MYCBPAP: variants seen among roughly 807,000 people sequenced by gnomAD.
MYCBPAP encodes MYCBP-associated protein.
A neutral mutation model predicts 106.1 loss-of-function variants in MYCBPAP; 60 were observed. The observed-to-expected ratio is 0.57, with a 90% CI of 0.46 to 0.70. MYCBPAP has a LOEUF of 0.70. MYCBPAP is among the 30% of genes least tolerant of loss of function. The pLI is 0.00. For synonymous variants in MYCBPAP, 407 were observed against 440.6 expected (o/e 0.92, Z 0.95); for missense variants, 1,064 against 1,169.3 (o/e 0.91, Z 1.31).
chr17:50,527,453 G>T, intron 15 of MYCBPAP, 45 bp downstream of exon 15: 1 of 1,609,306 alleles, frequency 6.2e-7, no homozygotes, highest in African/African-American at 1.3e-5. Flanking sequence ...TTCCCTTTGT[G>T]GCATCTGCAG....
chr17:50,513,320 GA>G (rs2033927237), intron 1 of MYCBPAP, among the ~76,000 whole-genome samples: 1 of 151,882 alleles, frequency 6.6e-6, no homozygotes, highest in South Asian at 2.1e-4. Context: ...CCGGGAGGCG[GA>G]GGTTGCAGTG....
At position 50,517,572 on chromosome 17, in the gene MYCBPAP, CCTTT is replaced by C. The variant is rs1282606655; in HGVS notation, c.365-19_365-16del. On this transcript the variant is annotated intron_variant, in intron 3 of 18. Coordinates refer to ENST00000323776, the MANE Select transcript of MYCBPAP (RefSeq NM_032133.6). ...AGTTGTCCACCCACAGCTTCTTTCC[CCTTT>C]CTTCTTTTATCCTCCCAGGTCCCGG... The C allele has an allele frequency of 6.2e-7, 1 of 1,613,732 alleles. No individual in the cohort carries two copies. The highest frequency in any genetic ancestry group is 8.5e-7 in the Non-Finnish European group (1 of 1,179,754).
intron 14 of MYCBPAP, 43 bp downstream of exon 14, chr17:50,526,310 G>C: frequency 6.5e-7 from 1 of 1,528,092 alleles, no homozygotes; most frequent in Non-Finnish European, 8.7e-7. Flanking sequence ...GAATATTCCT[G>C]CCTCGAACCA....
chr17:50,508,934 C>T (rs1043396469), intron 1 of MYCBPAP, 184 bp downstream of exon 1: 3 of 716,330 alleles, frequency 4.2e-6, no homozygotes, highest in Middle Eastern at 3.3e-4. Context: ...GAGCCTACAG[C>T]GCACTGGGCC....
In MYCBPAP at chr17:50,516,654, A is replaced by G; in HGVS notation, c.161A>G (p.Asp54Gly). 6.2e-7 allele frequency: 1 copy of G among 1,614,152 alleles called. No homozygotes were observed. The highest frequency in any genetic ancestry group is 8.5e-7 in the Non-Finnish European group (1 of 1,180,016). Residue 54 changes from aspartate to glycine, a missense_variant, in exon 2 of 19, where the codon GAT becomes GGT. By Grantham distance (94) the Asp-to-Gly change is moderately conservative (BLOSUM62 -1). Coordinates refer to ENST00000323776, the MANE Select transcript of MYCBPAP (RefSeq NM_032133.6). ...CCTGTTAGCAATGTCCTACAAGGAG[A>G]TGACATTCTTGCCTTGGCCATTAAG... ...PEPVSNVLQG[D>G]DILALAIKKE...
intron 15 of MYCBPAP, 51 bp downstream of exon 15, chr17:50,527,459 T>C: frequency 6.2e-7 from 1 of 1,607,628 alleles, no homozygotes; most frequent in Non-Finnish European, 8.5e-7. Context: ...TTGTGGCATC[T>C]GCAGGGGTCC....
Position 50,527,322 on chromosome 17 carries a change from G to T in MYCBPAP, c.2205G>T (p.Glu735Asp). The T allele has an allele frequency of 1.9e-6, 3 of 1,614,140 alleles. No homozygotes were observed. Among genetic ancestry groups the T allele is most frequent in the Non-Finnish European group, 2.5e-6 (3 of 1,180,016 alleles). ...VMVLPDENHREDALMRLNKAA... is the reference protein window; with the variant it reads ...VMVLPDENHRDDALMRLNKAA... ...TGCTCCCTGATGAGAACCACAGAGA[G>T]GATGCGTTGATGAGGCTCAACAAAG... The change falls in exon 15 of 19, where the codon GAG becomes GAT. Residue 735 changes from glutamate (E) to aspartate (D), a missense_variant. By Grantham distance (45) the Glu-to-Asp change is conservative. Coordinates refer to ENST00000323776, the MANE Select transcript of MYCBPAP (RefSeq NM_032133.6).
intron 12 of MYCBPAP, among the ~76,000 whole-genome samples, chr17:50,524,233 G>A (rs559634681): frequency 6.6e-6 from 1 of 152,324 alleles, no homozygotes; most frequent in South Asian, 2.1e-4. Flanking sequence ...GACAACTCGA[G>A]TGAGTGTGAG....
At chr17:50,528,623 C>G in intron 16 of MYCBPAP, 72 bp from the exon 17 acceptor site, 5 of 1,566,702 alleles carry the variant, frequency 3.2e-6, no homozygotes, top group Non-Finnish European at 4.3e-6. Flanking sequence ...CCCCTCAAGC[C>G]TCCTCACGTA....
At chr17:50,522,709 A>AAAAAAAAAAAAATATATATATATATATAT in intron 10 of MYCBPAP, 7 of 50,026 alleles carry the variant, frequency 1.4e-4, no homozygotes, top group African/African-American at 3.6e-4. Context: ...AAAAAAAAAA[A>AAAAAAAAAAAAATATATATATATATATAT]ATATATATAT....
chr17:50,508,646 G>A lies in MYCBPAP; in HGVS notation c.-29G>A. The A allele has an allele frequency of 6.3e-7, 1 of 1,590,610 alleles. No homozygotes were observed. Among genetic ancestry groups the A allele is most frequent in the Non-Finnish European group, 8.6e-7 (1 of 1,166,118 alleles). ...CGGTGTCTCTGGGCCGGCGGTGCAG[G>A]GCAACGTTTCATGGTGCCGGGCGGC... On this transcript the variant is annotated 5_prime_UTR_variant, in exon 1 of 19. Transcript: ENST00000323776.
chr17:50,525,479 T>G (rs2412327), intron 13 of MYCBPAP, among the ~76,000 whole-genome samples: 2 of 151,886 alleles, frequency 1.3e-5, no homozygotes, highest in Non-Finnish European at 2.9e-5. Flanking sequence ...ATGGGTACTA[T>G]TTATTTTTGT....
In MYCBPAP at chr17:50,519,097, C is replaced by T; in HGVS notation, c.768+8C>T. ...ACCCGGCGTGATAGGAAAGTGAGGCCACCTGTCCTAAGTGCCCGGGGGCAG... is the reference window on the plus strand; with the variant it reads ...ACCCGGCGTGATAGGAAAGTGAGGCTACCTGTCCTAAGTGCCCGGGGGCAG... On this transcript the variant is annotated splice_region_variant and intron_variant, in intron 6 of 18. Coordinates refer to ENST00000323776, the MANE Select transcript of MYCBPAP (RefSeq NM_032133.6). 6.3e-7 allele frequency: 1 copy of T among 1,598,722 alleles called. No homozygotes were observed.
chr17:50,512,389 G>A (rs1173544361), intron 1 of MYCBPAP, among the ~76,000 whole-genome samples: 1 of 152,104 alleles, frequency 6.6e-6, no homozygotes, highest in Non-Finnish European at 1.5e-5. Flanking sequence ...TGCCACTCAC[G>A]TGCCATGCTC....
chr17:50,508,489 G>A lies in MYCBPAP; in HGVS notation c.-186G>A. 1 of 1,484,040 alleles carries A rather than the reference G, an allele frequency of 6.7e-7. No homozygotes were observed. The highest frequency in any genetic ancestry group is 9.0e-7 in the Non-Finnish European group (1 of 1,109,168). 91.9% of individuals were successfully genotyped at this position (1,484,040 alleles called of 1,614,324 possible). On this transcript the variant is annotated 5_prime_UTR_variant, in exon 1 of 19. Transcript: ENST00000323776. ...TTGAAGCCGCCGGCGGCGGGCGCGT[G>A]CGCGGCCCGATGAAGAAGGAGGTTT...
Position 50,531,436 on chromosome 17 carries a change from G to A in MYCBPAP, c.*8G>A. ...TTGCGCCTCTGCAGGTGACTCTCGG[G>A]CCCAAGCAACCTTCTGGAAAACGGG... On this transcript the variant is annotated 3_prime_UTR_variant, in exon 19 of 19. Transcript: ENST00000323776. 1 of 1,592,886 alleles carries A rather than the reference G, an allele frequency of 6.3e-7. No individual in the cohort carries two copies. Among genetic ancestry groups the A allele is most frequent in the East Asian group, 2.3e-5 (1 of 44,122 alleles).
rs146029360 is a variant in MYCBPAP, at chr17:50,519,030, C to T, written c.709C>T (p.Arg237Trp). The change falls in exon 6 of 19, where the codon CGG (arginine) becomes TGG (tryptophan). Residue 237 changes from arginine to tryptophan, a missense_variant. Coordinates refer to ENST00000323776, the MANE Select transcript of MYCBPAP (RefSeq NM_032133.6). ...LLMHTGETYR[R>W]IQEERELIDC... is the part of the protein sequence containing the mutation. ...CATGCACACCGGGGAGACCTACAGA[C>T]GGATCCAGGAGGAGCGGGAGCTCAT... The T allele has an allele frequency of 4.2e-5, 68 of 1,613,868 alleles. 1 individual carries two copies. Among genetic ancestry groups the T allele is most frequent in the African/African-American group, 3.6e-4 (27 of 74,938 alleles).
In MYCBPAP at chr17:50,509,135, T is replaced by G. The variant is rs145076580; in HGVS notation, c.76+385T>G. On this transcript the variant is annotated intron_variant, in intron 1 of 18. Coordinates refer to ENST00000323776, the MANE Select transcript of MYCBPAP (RefSeq NM_032133.6). The stretch of plus-strand genomic sequence containing the variant: ...TAGAAGGGCCAGGAATTGGGGTCCT[T>G]GGGAAGAGGAAAGAATGAAGTGTTG... The G allele has an allele frequency of 1.1e-4, 75 of 702,818 alleles. No individual in the cohort carries two copies. The African/African-American group carries it at 1.2e-3, about 11-fold the overall frequency. 43.5% of individuals were successfully genotyped at this position (702,818 alleles called of 1,614,324 possible). A position where few individuals can be genotyped will look rare whatever the true frequency, so the allele number is the denominator to read the frequency against.
At position 50,524,906 on chromosome 17, in the gene MYCBPAP, C is replaced by G; in HGVS notation, c.1665C>G (p.Thr555=). ...AGCTGACTGCCCATGAGGCAGTCAC[C>G]GTCGTTCGCGAAGTGCTGCAGGAGC... is the stretch of plus-strand genomic sequence containing the variant. ...ESKLTAHEAV[T]VVREVLQELL... Residue 555 remains threonine, a synonymous_variant, in exon 13 of 19, where the codon ACC becomes ACG. Coordinates refer to ENST00000323776, the MANE Select transcript of MYCBPAP (RefSeq NM_032133.6). 1 of 1,613,930 alleles carries G rather than the reference C, an allele frequency of 6.2e-7. No individual in the cohort carries two copies. The highest frequency in any genetic ancestry group is 8.5e-7 in the Non-Finnish European group (1 of 1,179,992).
Sources: gnomAD v4.1 joint callset for allele counts (sites outside exome capture counted in the v4.1 genomes callset) on GRCh38, gnomAD v4.1.1 for gene constraint, MANE v1.5 for transcripts, NCBI Gene and HGNC (gene_info 2026-07-23, HGNC 2026-07-21) for gene names.